The following TTC21B variants were observed in gnomAD, a reference collection of about 807,000 sequenced individuals.
TTC21B encodes tetratricopeptide repeat domain 21B, also known as tetratricopeptide repeat protein 21B.
In TTC21B, 127 loss-of-function variants were observed where a neutral mutation model predicts 175.1. That is an observed-to-expected ratio of 0.73 (90% CI 0.63 to 0.84). TTC21B has a LOEUF of 0.84. Ranked by LOEUF, TTC21B falls within the 40% of genes least tolerant of loss-of-function variation. TTC21B has a pLI of 0.00. For missense variants in TTC21B, 1,561 were observed against 1,558.3 expected (o/e 1.00, Z -0.03); for synonymous variants, 524 against 524.5 (o/e 1.00, Z 0.01).
rs957303200 is a variant in TTC21B, at chr2:165,873,475, A to C, written c.*1280T>G. 6.6e-6 allele frequency: 1 copy of C among 152,224 alleles called. No individual in the cohort carries two copies. The highest frequency in any genetic ancestry group is 6.5e-5 in the Admixed American group (1 of 15,276). 9.4% of individuals were successfully genotyped at this position (152,224 alleles called of 1,614,324 possible). A position where few individuals can be genotyped will look rare whatever the true frequency, so the allele number is the denominator to read the frequency against. On this transcript the variant is annotated 3_prime_UTR_variant, in exon 29 of 29. Transcript: ENST00000243344. Reference sequence around the variant, plus strand: ...TGAGAAATTAAAAATAATGCTAAGGATTAAGTTTAGATTAGGTTAAATTTA... The same window carrying C: ...TGAGAAATTAAAAATAATGCTAAGGCTTAAGTTTAGATTAGGTTAAATTTA...
chr2:165,919,000 A>C (rs1390519136), intron 13 of TTC21B, among the ~76,000 whole-genome samples: 1 of 152,192 alleles, frequency 6.6e-6, no homozygotes, highest in Non-Finnish European at 1.5e-5. Context: ...ACAGCAGAGT[A>C]TTAGTAAATG....
chr2:165,914,392 C>G (rs1023740711), intron 15 of TTC21B, among the ~76,000 whole-genome samples: 5 of 152,136 alleles, frequency 3.3e-5, no homozygotes, highest in African/African-American at 1.2e-4. Flanking sequence ...CAGTGATAAT[C>G]TTCTGGAAAT....
At chr2:165,923,103 G>T (rs569030068) in intron 12 of TTC21B, among the ~76,000 whole-genome samples, 11 of 152,064 alleles carry the variant, frequency 7.2e-5, no homozygotes, top group Non-Finnish European at 1.6e-4. Flanking sequence ...ATGGGAAGAG[G>T]GTGTGGGATA....
At chr2:165,877,423 T>C (rs1176886134) in intron 27 of TTC21B, among the ~76,000 whole-genome samples, 2 of 152,148 alleles carry the variant, frequency 1.3e-5, no homozygotes, top group East Asian at 1.9e-4. Context: ...ATGATGGTGG[T>C]CCCAAAGATT....
chr2:165,902,496 C>T (rs536936447), intron 19 of TTC21B, among the ~76,000 whole-genome samples: 2 of 152,176 alleles, frequency 1.3e-5, no homozygotes, highest in Non-Finnish European at 2.9e-5. Flanking sequence ...TGTTAGCTAA[C>T]AATTGCTTTG....
rs147203938 is a variant in TTC21B at position 165,924,138 on chromosome 2, G to A, written c.1516+411C>T. On this transcript the variant is annotated intron_variant, in intron 12 of 28. Coordinates refer to ENST00000243344, the MANE Select transcript of TTC21B (RefSeq NM_024753.5). ...TATAAACGGATTGTTTTTATTTTAA[G>A]CTATCCATAACAATTCACAGAAACT... Among the ~76,000 whole-genome samples, 1,283 of 152,198 alleles carry A rather than the reference G, an allele frequency of 8.4e-3. 2 individuals are homozygous for A. Among genetic ancestry groups the A allele is most frequent in the Non-Finnish European group, 0.015 (987 of 68,008 alleles).
At chr2:165,884,121 T>C in intron 25 of TTC21B, 103 bp from the exon 26 acceptor site, 1 of 880,120 alleles carries the variant, frequency 1.1e-6, no homozygotes. Flanking sequence ...TTGTGGATTC[T>C]ATTTCTAGCT....
chr2:165,939,721 T>C (rs984854336), intron 6 of TTC21B, among the ~76,000 whole-genome samples: 3 of 152,160 alleles, frequency 2.0e-5, no homozygotes, highest in African/African-American at 4.8e-5. Flanking sequence ...TGACTTCTCA[T>C]AGGCATTTCA....
At chr2:165,898,343 T>A (rs1037956685) in intron 22 of TTC21B, among the ~76,000 whole-genome samples, 1 of 152,082 alleles carries the variant, frequency 6.6e-6, no homozygotes, top group African/African-American at 2.4e-5. Flanking sequence ...ATTCTCTTAG[T>A]GAAGTAGGTG....
At chr2:165,921,470 A>G (rs1686402474) in intron 12 of TTC21B, among the ~76,000 whole-genome samples, 2 of 152,240 alleles carry the variant, frequency 1.3e-5, no homozygotes, top group South Asian at 4.1e-4. Context: ...TTGGGTTAGT[A>G]TCCTGTTGCT....
Position 165,929,730 on chromosome 2 carries a change from A to T in TTC21B, c.1105T>A (p.Leu369Met). 6.2e-7 allele frequency: 1 copy of T among 1,611,744 alleles called. No individual in the cohort carries two copies. Among genetic ancestry groups the T allele is most frequent in the South Asian group, 1.1e-5 (1 of 91,046 alleles). ...GCATCCTGTAATTGCCCTTCTATCA[A>T]CTGACATTGGATAAATCCTAAAATC... is the stretch of plus-strand genomic sequence containing the variant. ...SALVGFIQCQLIEGQLQDADQ... is the reference protein window; with the variant it reads ...SALVGFIQCQMIEGQLQDADQ... The change falls in exon 10 of 29, where the codon TTG becomes ATG. Residue 369 changes from leucine (L) to methionine (M), a missense_variant. By Grantham distance (15) the Leu-to-Met change is conservative (BLOSUM62 2). Coordinates refer to ENST00000243344, the MANE Select transcript of TTC21B (RefSeq NM_024753.5).
chr2:165,879,204 G>A (rs949772717), intron 27 of TTC21B, among the ~76,000 whole-genome samples: 1 of 152,142 alleles, frequency 6.6e-6, no homozygotes, highest in Admixed American at 6.6e-5. Context: ...TAGTCATTTG[G>A]AATCTCTTTA....
intron 8 of TTC21B, among the ~76,000 whole-genome samples, chr2:165,931,016 T>A (rs1475807166): frequency 6.6e-6 from 1 of 152,078 alleles, no homozygotes; most frequent in Non-Finnish European, 1.5e-5. Flanking sequence ...AAAAAACTAA[T>A]TGAAATAATG....
chr2:165,895,102 A>G (rs1489972156), intron 22 of TTC21B, among the ~76,000 whole-genome samples: 1 of 152,030 alleles, frequency 6.6e-6, no homozygotes, highest in Non-Finnish European at 1.5e-5. Flanking sequence ...ATTTTCCCCC[A>G]AGAGGGATAT....
intron 25 of TTC21B, among the ~76,000 whole-genome samples, chr2:165,885,492 G>A (rs1684974063): frequency 6.6e-6 from 1 of 152,194 alleles, no homozygotes; most frequent in South Asian, 2.1e-4. Flanking sequence ...CCAACTGGTT[G>A]TAGGTTATGA....
intron 28 of TTC21B, among the ~76,000 whole-genome samples, 183 bp from the exon 29 acceptor site, chr2:165,875,015 A>G (rs1251253721): frequency 6.6e-6 from 1 of 152,204 alleles, no homozygotes; most frequent in African/African-American, 2.4e-5. Context: ...TATTAATGGT[A>G]GTTAGATGAG....
intron 12 of TTC21B, among the ~76,000 whole-genome samples, chr2:165,923,442 CTT>C (rs772438655): frequency 6.9e-5 from 9 of 130,316 alleles, no homozygotes; most frequent in South Asian, 2.4e-4. Context: ...ATATGATGGT[CTT>C]TTTTTTTTTT....
chr2:165,882,435 T>C (rs1193943984), intron 26 of TTC21B, among the ~76,000 whole-genome samples: 2 of 152,204 alleles, frequency 1.3e-5, no homozygotes, highest in African/African-American at 4.8e-5. Flanking sequence ...AAACAGATTT[T>C]ATGTATTTCA....
At chr2:165,888,230 A>G (rs777081833) in intron 25 of TTC21B, 49 bp downstream of exon 25, 6 of 1,342,390 alleles carry the variant, frequency 4.5e-6, no homozygotes, top group East Asian at 2.3e-5. Context: ...ATGTTTCTAT[A>G]CTACCAAATA....
Sources: gnomAD v4.1 joint callset for allele counts (sites outside exome capture counted in the v4.1 genomes callset) on GRCh38, gnomAD v4.1.1 for gene constraint, MANE v1.5 for transcripts, NCBI Gene and HGNC (gene_info 2026-07-23, HGNC 2026-07-21) for gene names.